EXOC6: variants seen among roughly 807,000 people sequenced by gnomAD.
EXOC6 encodes the protein exocyst complex component 6.
In EXOC6, 60 loss-of-function variants were observed where a neutral mutation model predicts 112.5. The observed-to-expected ratio is 0.53, with a 90% CI of 0.43 to 0.66. The LOEUF is 0.66. Among genes scored for constraint, EXOC6 ranks in the 30% least tolerant of loss-of-function variants. The pLI, the probability that EXOC6 is intolerant of heterozygous loss-of-function variation, is 0.00. For missense variants in EXOC6, 855 were observed against 957.1 expected, an observed-to-expected ratio of 0.89 and a Z score of 1.41; for synonymous variants, 295 against 308.0, an observed-to-expected ratio of 0.96 and a Z score of 0.44.
At chr10:93,051,046 A>G (rs1390434764) in intron 20 of EXOC6, among the ~76,000 whole-genome samples, 1 of 152,158 alleles carries the variant, frequency 6.6e-6, no homozygotes, top group African/African-American at 2.4e-5. Flanking sequence ...GTATGTATCT[A>G]TATGCTATTT....
intron 14 of EXOC6, among the ~76,000 whole-genome samples, chr10:92,950,467 A>G (rs896392908): frequency 1.1e-4 from 17 of 152,276 alleles, no homozygotes; most frequent in African/African-American, 3.9e-4. Flanking sequence ...TCATATACCT[A>G]CTATATACCA....
chr10:92,844,313 A>AT (rs1458889814), upstream of EXOC6, among the ~76,000 whole-genome samples: 1 of 152,204 alleles, frequency 6.6e-6, no homozygotes, highest in Non-Finnish European at 1.5e-5. Context: ...CCTGTGCCTG[A>AT]TGTAGGAGCA....
intron 17 of EXOC6, among the ~76,000 whole-genome samples, chr10:92,961,290 A>G (rs1853982605): frequency 6.6e-6 from 1 of 152,108 alleles, no homozygotes; most frequent in Non-Finnish European, 1.5e-5. Flanking sequence ...TTTATTGTGT[A>G]TGCAATTTGA....
chr10:93,037,471 C>T (rs1453742447), intron 20 of EXOC6, among the ~76,000 whole-genome samples: 2 of 149,884 alleles, frequency 1.3e-5, no homozygotes, highest in Non-Finnish European at 3.0e-5. Flanking sequence ...TGGAGTTTCT[C>T]TCTTGTTGCC....
upstream of EXOC6, chr10:92,848,433 G>GC: frequency 4.7e-6 from 4 of 855,808 alleles, no homozygotes; most frequent in Non-Finnish European, 5.7e-6. Flanking sequence ...CGGCCCGAGC[G>GC]CCCCGCCCCC....
intron 12 of EXOC6, 128 bp from the exon 13 acceptor site, chr10:92,940,599 C>A: frequency 1.6e-6 from 1 of 616,332 alleles, no homozygotes; most frequent in Non-Finnish European, 2.8e-6. Flanking sequence ...TCTTTTTTTT[C>A]TTACTGTGAG....
At chr10:92,925,768 T>C (rs1470345941) in intron 8 of EXOC6, among the ~76,000 whole-genome samples, 1 of 152,102 alleles carries the variant, frequency 6.6e-6, no homozygotes, top group Non-Finnish European at 1.5e-5. Context: ...CAAGTGATCC[T>C]CCTGCCTCAG....
chr10:92,856,929 A>G (rs1251371675), intron 1 of EXOC6, among the ~76,000 whole-genome samples: 1 of 152,182 alleles, frequency 6.6e-6, no homozygotes, highest in Non-Finnish European at 1.5e-5. Flanking sequence ...ATATTAGTAT[A>G]GCTGCTGCAG....
At chr10:92,893,261 ATTTAAT>A in intron 1 of EXOC6, 82 bp from the exon 2 acceptor site, 2 of 933,728 alleles carry the variant, frequency 2.1e-6, no homozygotes, top group South Asian at 4.8e-5. Context: ...TTGTTCAGAG[ATTTAAT>A]TTTAAGATAT....
chr10:92,947,920 A>G (rs1415933903), intron 13 of EXOC6, among the ~76,000 whole-genome samples: 1 of 152,070 alleles, frequency 6.6e-6, no homozygotes, highest in Non-Finnish European at 1.5e-5. Flanking sequence ...GAAAAAATAG[A>G]AAGAATTATG....
chr10:92,918,372 C>T (rs1479683615), intron 7 of EXOC6, among the ~76,000 whole-genome samples: 2 of 150,904 alleles, frequency 1.3e-5, no homozygotes, highest in Non-Finnish European at 2.9e-5. Flanking sequence ...CTCATGACTG[C>T]ATTTGTGAAT....
chr10:92,963,078 C>G (rs1217930807), intron 17 of EXOC6, among the ~76,000 whole-genome samples: 1 of 152,048 alleles, frequency 6.6e-6, no homozygotes, highest in African/African-American at 2.4e-5. Flanking sequence ...GCACAGAAGG[C>G]AGAAAGCTGA....
At chr10:92,945,293 T>C (rs189496867) in intron 13 of EXOC6, among the ~76,000 whole-genome samples, 130 of 152,350 alleles carry the variant, frequency 8.5e-4, no homozygotes, top group Non-Finnish European at 2.4e-4. Flanking sequence ...ATCAGATATA[T>C]ATCAGCAAAT....
chr10:93,045,307 AAATT>A (rs1845958838), intron 20 of EXOC6, among the ~76,000 whole-genome samples: 1 of 152,252 alleles, frequency 6.6e-6, no homozygotes, highest in African/African-American at 2.4e-5. Context: ...ATTGAAGACT[AAATT>A]AATCTAGCTG....
At chr10:92,842,360 G>GA (rs34778339) in intron 1 of EXOC6, among the ~76,000 whole-genome samples, 4,782 of 107,054 alleles carry the variant, frequency 0.045, 260 homozygotes, top group East Asian at 0.17. Flanking sequence ...CTCTGTCTCA[G>GA]AAAAAAAAAA....
chr10:92,937,331 A>C (rs1227213455), intron 12 of EXOC6, among the ~76,000 whole-genome samples: 1 of 152,192 alleles, frequency 6.6e-6, no homozygotes, highest in East Asian at 1.9e-4. Context: ...ATAAGTTCCC[A>C]AAAAGAAGAT....
chr10:93,050,923 T>C (rs1324658669), intron 20 of EXOC6, among the ~76,000 whole-genome samples: 5 of 152,068 alleles, frequency 3.3e-5, no homozygotes, highest in Admixed American at 2.6e-4. Context: ...GAGTTAAACA[T>C]GGTTACTTCT....
At chr10:92,899,873 A>C (rs1850061623) in intron 5 of EXOC6, 1 of 416,368 alleles carries the variant, frequency 2.4e-6, no homozygotes, top group Non-Finnish European at 4.3e-6. Flanking sequence ...AATGTTGATC[A>C]AGTACAAATA....
At chr10:92,923,401 T>C (rs1467930523) in intron 8 of EXOC6, among the ~76,000 whole-genome samples, 1 of 152,206 alleles carries the variant, frequency 6.6e-6, no homozygotes, top group African/African-American at 2.4e-5. Flanking sequence ...CAACAAACAT[T>C]ATTATTCCAC....
Sources: allele counts gnomAD v4.1 joint callset (sites outside exome capture counted in the v4.1 genomes callset), GRCh38; gene constraint gnomAD v4.1.1; transcripts MANE v1.5; gene names NCBI Gene and HGNC (gene_info 2026-07-23, HGNC 2026-07-21).